Variants in SFXN5 observed in about 807,000 individuals in gnomAD.
The protein encoded by SFXN5 is sideroflexin 5.
SFXN5 carries 43 observed loss-of-function variants against 50.2 expected under a neutral mutation model. The ratio of observed to expected loss-of-function variants is 0.86; its 90% CI spans 0.67 to 1.11. The LOEUF (loss-of-function observed/expected upper bound fraction) is 1.11, where lower values mean the gene tolerates loss of function less well. Among genes scored for constraint, SFXN5 ranks in the 50% least tolerant of loss-of-function variants. SFXN5 has a pLI of 0.00. For synonymous variants in SFXN5, 203 were observed against 185.8 expected (o/e 1.09, Z -0.75); for missense variants, 463 against 454.1 (o/e 1.02, Z -0.18).
chr2:73,061,887 G>T (rs1374575850), intron 1 of SFXN5, among the ~76,000 whole-genome samples: 1 of 152,132 alleles, frequency 6.6e-6, no homozygotes, highest in Non-Finnish European at 1.5e-5. Flanking sequence ...AGGCTGAAGT[G>T]ATAGGATCAC....
At chr2:72,955,797 A>G (rs569712854) in intron 13 of SFXN5, among the ~76,000 whole-genome samples, 4 of 152,326 alleles carry the variant, frequency 2.6e-5, no homozygotes, top group Admixed American at 2.0e-4. Context: ...GAGGACACAG[A>G]GGACCCCATT....
intron 4 of SFXN5, 62 bp from the exon 5 acceptor site, chr2:73,022,638 A>AG (rs1553519208): frequency 1.0e-5 from 1 of 98,226 alleles, no homozygotes; most frequent in Non-Finnish European, 2.0e-5. Flanking sequence ...GGAAGGGGGA[A>AG]GGGGGAGGGA....
chr2:73,070,870 G>C (rs539932012), intron 1 of SFXN5: 1 of 152,612 alleles, frequency 6.6e-6, no homozygotes, highest in Admixed American at 6.5e-5. Flanking sequence ...GGCTGGGGGG[G>C]GGTTCCCAGG....
chr2:73,028,796 G>A (rs1180992324), intron 3 of SFXN5, among the ~76,000 whole-genome samples: 1 of 152,120 alleles, frequency 6.6e-6, no homozygotes, highest in Non-Finnish European at 1.5e-5. Flanking sequence ...GACAATGCAG[G>A]AACTAAAGAA....
chr2:73,037,997 AGATT>A, intron 3 of SFXN5, among the ~76,000 whole-genome samples: 1 of 152,370 alleles, frequency 6.6e-6, no homozygotes, highest in Non-Finnish European at 1.5e-5. Context: ...AGAAATCTTC[AGATT>A]GCAAGGAGCA....
At chr2:73,015,490 G>GT (rs528424577) in intron 6 of SFXN5, among the ~76,000 whole-genome samples, 13 of 149,846 alleles carry the variant, frequency 8.7e-5, no homozygotes, top group East Asian at 3.9e-4. Flanking sequence ...TCTCTTTTTT[G>GT]TTTTTTTTCA....
At chr2:73,013,114 A>T (rs1489004006) in intron 6 of SFXN5, among the ~76,000 whole-genome samples, 1 of 152,178 alleles carries the variant, frequency 6.6e-6, no homozygotes, top group Non-Finnish European at 1.5e-5. Flanking sequence ...TGGGATATGC[A>T]GTCATAACCA....
chr2:73,050,935 G>A (rs1334148353), intron 2 of SFXN5, among the ~76,000 whole-genome samples: 1 of 152,228 alleles, frequency 6.6e-6, no homozygotes, highest in Non-Finnish European at 1.5e-5. Context: ...GAGAAGCCAT[G>A]AAGCATCCTG....
intron 2 of SFXN5, among the ~76,000 whole-genome samples, chr2:73,050,445 G>A (rs569155270): frequency 1.5e-5 from 2 of 136,146 alleles, no homozygotes; most frequent in Admixed American, 1.5e-4. Flanking sequence ...GCACCACATG[G>A]ATGCTGCCAA....
intron 6 of SFXN5, among the ~76,000 whole-genome samples, chr2:73,004,715 T>C (rs1466382328): frequency 3.3e-5 from 5 of 152,066 alleles, no homozygotes; most frequent in Non-Finnish European, 5.9e-5. Flanking sequence ...TAGGGGGCCA[T>C]GTGAGGCTGA....
At chr2:73,063,814 G>A (rs1422237391) in intron 1 of SFXN5, among the ~76,000 whole-genome samples, 1 of 152,188 alleles carries the variant, frequency 6.6e-6, no homozygotes, top group Non-Finnish European at 1.5e-5. Context: ...CTGGCTCTGT[G>A]TCTGTCCTCC....
rs1259416003 is a variant in SFXN5, at chr2:72,973,932, T to C, written c.626-2247A>G. 6.6e-6 allele frequency among the ~76,000 whole-genome samples: 1 copy of C among 152,186 alleles called. No individual in the cohort carries two copies. The highest frequency in any genetic ancestry group is 1.5e-5 in the Non-Finnish European group (1 of 68,020). ...ATCAATCCTAGCCCTCTGATGACGC[T>C]GTCCACCATACCACCACCACCGCCA... On this transcript the variant is annotated intron_variant, in intron 10 of 13. Transcript: ENST00000272433. The surrounding 1 kb of genome is among the most constrained non-coding windows in gnomAD (Gnocchi z 5.5).
At chr2:73,039,297 G>A (rs1679323009) in intron 3 of SFXN5, among the ~76,000 whole-genome samples, 1 of 152,142 alleles carries the variant, frequency 6.6e-6, no homozygotes, top group African/African-American at 2.4e-5. Context: ...TTTATGTGGT[G>A]TATGACTGTA....
At chr2:73,071,468 G>GT (rs1178594595) in intron 1 of SFXN5, 136 bp downstream of exon 1, 25 of 735,878 alleles carry the variant, frequency 3.4e-5, no homozygotes, top group Admixed American at 5.6e-5. Context: ...TGTGACCGAG[G>GT]TTCCCCCCCT....
intron 10 of SFXN5, among the ~76,000 whole-genome samples, chr2:72,975,207 A>T (rs1670493190): frequency 6.6e-6 from 1 of 152,238 alleles, no homozygotes; most frequent in South Asian, 2.1e-4. Context: ...ACCCATTGCG[A>T]TGCAAAATCA....
At chr2:72,952,599 G>C (rs751755513) in intron 13 of SFXN5, among the ~76,000 whole-genome samples, 2 of 152,050 alleles carry the variant, frequency 1.3e-5, no homozygotes, top group Non-Finnish European at 1.5e-5. Flanking sequence ...ACCACACCCC[G>C]CCCCCTACCA....
At chr2:73,026,530 T>C (rs1677578708) in intron 3 of SFXN5, among the ~76,000 whole-genome samples, 1 of 152,138 alleles carries the variant, frequency 6.6e-6, no homozygotes, top group Admixed American at 6.5e-5. Flanking sequence ...GGTGAAAAAT[T>C]CCTATGGCCT....
At position 72,945,121 on chromosome 2, in the gene SFXN5, G is replaced by A; in HGVS notation, c.946-22C>T. The stretch of plus-strand genomic sequence containing the variant: ...CAATCTGTGGAGAGAGAACAGAGAG[G>A]AAAAGTGGGGGAGTGGGAAGGGGCA... On this transcript the variant is annotated intron_variant, in intron 13 of 13. Coordinates refer to ENST00000272433, the MANE Select transcript of SFXN5 (RefSeq NM_144579.3). This position sits in a 1 kb window ranked among gnomAD's most constrained non-coding sequence, Gnocchi z 5.8. 6.2e-7 allele frequency: 1 copy of A among 1,609,732 alleles called. No homozygotes were observed.
chr2:73,068,157 G>A (rs1230963609), intron 1 of SFXN5, among the ~76,000 whole-genome samples: 2 of 152,164 alleles, frequency 1.3e-5, no homozygotes, highest in Non-Finnish European at 2.9e-5. Context: ...AGCGACTCCA[G>A]GGAATAAGGA....
Sources: gnomAD v4.1 joint callset for allele counts (sites outside exome capture counted in the v4.1 genomes callset) on GRCh38, gnomAD v4.1.1 for gene constraint, Gnocchi (gnomAD v3.1) non-coding constraint, MANE v1.5 for transcripts, NCBI Gene and HGNC (gene_info 2026-07-23, HGNC 2026-07-21) for gene names.